The following DCLK1 variants were observed in gnomAD, a reference collection of about 807,000 sequenced individuals.
The protein encoded by DCLK1 is doublecortin like kinase 1.
DCLK1 carries 16 observed loss-of-function variants against 86.2 expected under a neutral mutation model. The ratio of observed to expected loss-of-function variants is 0.19; its 90% confidence interval spans 0.13 to 0.28. DCLK1 has a LOEUF of 0.28. Among genes scored for constraint, DCLK1 ranks in the 10% least tolerant of loss-of-function variants. The pLI, the probability that DCLK1 is intolerant of heterozygous loss-of-function variation, is 1.00. For synonymous variants in DCLK1, 369 were observed against 370.5 expected (o/e 1.00, Z 0.05); for missense variants, 590 against 940.2 (o/e 0.63, Z 4.87).
chr13:36,129,340 T>C lies in DCLK1; in HGVS notation c.-20+1774A>G, dbSNP rs528474829. ...ATTTAAAATAGAAAAAAGGTTTACT[T>C]TGTTTCATTTTATTTGCATATTTCC... On this transcript the variant is annotated intron_variant, in intron 1 of 16. Transcript: ENST00000360631. 2.6e-5 allele frequency among the ~76,000 whole-genome samples: 4 copies of C among 152,394 alleles called. No homozygotes were observed. In the South Asian group the frequency reaches 8.3e-4, roughly 32 times the overall value.
chr13:35,781,007 T>C (rs1353157248), intron 16 of DCLK1, among the ~76,000 whole-genome samples: 1 of 152,258 alleles, frequency 6.6e-6, no homozygotes, highest in African/African-American at 2.4e-5. Context: ...CCTCCACATG[T>C]GCTCAGATAG....
intron 6 of DCLK1, chr13:35,847,015 C>G (rs1441663570): frequency 1.0e-6 from 1 of 985,050 alleles, no homozygotes; most frequent in East Asian, 1.1e-4. Context: ...CAATCTGCAA[C>G]TGTATCAATG....
chr13:36,118,683 G>A (rs1433494266), intron 2 of DCLK1, among the ~76,000 whole-genome samples: 12 of 152,146 alleles, frequency 7.9e-5, no homozygotes. Flanking sequence ...GGATTTGAGA[G>A]ATTAAGAGAG....
intron 3 of DCLK1, among the ~76,000 whole-genome samples, chr13:36,100,221 C>CAT: frequency 7.8e-6 from 1 of 128,850 alleles, no homozygotes; most frequent in Non-Finnish European, 1.6e-5. Flanking sequence ...AAACCACACA[C>CAT]ACACAAAATT....
At chr13:35,877,478 T>TAGGAGACCTTCTGGA (rs1238560337) in intron 4 of DCLK1, among the ~76,000 whole-genome samples, 1 of 152,238 alleles carries the variant, frequency 6.6e-6, no homozygotes, top group Non-Finnish European at 1.5e-5. Context: ...TGGAGAATCT[T>TAGGAGACCTTCTGGA]GAACAAGGCA....
intron 3 of DCLK1, among the ~76,000 whole-genome samples, chr13:36,029,699 G>A (rs1882192042): frequency 6.6e-6 from 1 of 151,976 alleles, no homozygotes; most frequent in Non-Finnish European, 1.5e-5. Flanking sequence ...TTCTATTTGG[G>A]GTATTTTGGT....
chr13:35,972,399 ATG>A (rs1879111942), intron 3 of DCLK1, among the ~76,000 whole-genome samples: 1 of 152,130 alleles, frequency 6.6e-6, no homozygotes, highest in African/African-American at 2.4e-5. Flanking sequence ...TGCTCAGCTC[ATG>A]TGTGTGTAGA....
chr13:35,867,965 G>GAAAGAAAGAAAGAA (rs1380990336), intron 5 of DCLK1, among the ~76,000 whole-genome samples: 11 of 142,916 alleles, frequency 7.7e-5, no homozygotes, highest in African/African-American at 2.9e-4. Flanking sequence ...AAGAAAGAAA[G>GAAAGAAAGAAAGAA]AGAAAAAGAA....
At chr13:36,078,457 G>C (rs1926319) in intron 3 of DCLK1, among the ~76,000 whole-genome samples, 41,163 of 152,094 alleles carry the variant, frequency 0.27, 5,910 homozygotes, top group East Asian at 0.5. Context: ...GTTATCTGTA[G>C]CAGTTGGGTA....
intron 5 of DCLK1, among the ~76,000 whole-genome samples, chr13:35,857,158 T>C (rs912367946): frequency 6.6e-6 from 1 of 152,160 alleles, no homozygotes; most frequent in African/African-American, 2.4e-5. Flanking sequence ...ACAATAAGCC[T>C]TGGCATTCAC....
chr13:35,841,882 G>A (rs976510042), intron 6 of DCLK1, among the ~76,000 whole-genome samples: 2 of 152,048 alleles, frequency 1.3e-5, no homozygotes, highest in East Asian at 3.9e-4. Flanking sequence ...GGGGGACTGG[G>A]ATGGACCTTA....
At chr13:35,861,113 C>T (rs1046720806) in intron 5 of DCLK1, among the ~76,000 whole-genome samples, 1 of 152,078 alleles carries the variant, frequency 6.6e-6, no homozygotes, top group Non-Finnish European at 1.5e-5. Flanking sequence ...GACATTGGTG[C>T]CCAGGGCAGA....
At chr13:36,089,015 TTCTA>T (rs1330507126) in intron 3 of DCLK1, among the ~76,000 whole-genome samples, 4 of 152,340 alleles carry the variant, frequency 2.6e-5, no homozygotes, top group South Asian at 4.1e-4. Flanking sequence ...CAAAATTTTA[TTCTA>T]TCTTTTTTTT....
At chr13:35,776,777 C>T (rs549432185) in intron 16 of DCLK1, among the ~76,000 whole-genome samples, 1 of 152,178 alleles carries the variant, frequency 6.6e-6, no homozygotes, top group African/African-American at 2.4e-5. Flanking sequence ...TAACTCAGTA[C>T]TTTCCCTCTT....
At chr13:35,783,608 G>A (rs370596458) in intron 16 of DCLK1, among the ~76,000 whole-genome samples, 16 of 151,922 alleles carry the variant, frequency 1.1e-4, no homozygotes, top group African/African-American at 3.1e-4. Context: ...TTTTTGAGAC[G>A]GAGATTCGCT....
At chr13:35,930,859 T>G (rs1234461397) in intron 4 of DCLK1, among the ~76,000 whole-genome samples, 1 of 152,206 alleles carries the variant, frequency 6.6e-6, no homozygotes, top group Non-Finnish European at 1.5e-5. Flanking sequence ...GTCAAACATT[T>G]TCTTTGCCTT....
chr13:36,032,900 A>G (rs1282111678), intron 3 of DCLK1, among the ~76,000 whole-genome samples: 1 of 152,236 alleles, frequency 6.6e-6, no homozygotes, highest in Non-Finnish European at 1.5e-5. Flanking sequence ...AACATCGCTA[A>G]GAATAATTCC....
rs1376835970 is a variant in DCLK1 at position 35,864,543 on chromosome 13, C to G, written c.940+6681G>C. 1.8e-4 allele frequency among the ~76,000 whole-genome samples: 10 copies of G among 54,564 alleles called. 1 individual carries two copies. Among genetic ancestry groups the G allele is most frequent in the African/African-American group, 9.3e-4 (9 of 9,644 alleles). The allele number at this position is 54,564 out of a possible 152,430, so 35.8% of individuals were successfully genotyped here. On this transcript the variant is annotated intron_variant, in intron 5 of 16. Transcript: ENST00000360631. ...TCCCGCCACTGCACTCCAGCCTGGG[C>G]GACAGAGCGAGACTCCGTCTCAAAA...
chr13:35,918,890 G>GTTT (rs532112697), intron 4 of DCLK1, among the ~76,000 whole-genome samples: 2 of 14,228 alleles, frequency 1.4e-4, no homozygotes, highest in East Asian at 1.4e-3. Context: ...CCTTCTGAGT[G>GTTT]TGTTTTTTTT....
Sources: gnomAD v4.1 joint callset for allele counts (sites outside exome capture counted in the v4.1 genomes callset) on GRCh38, gnomAD v4.1.1 for gene constraint, MANE v1.5 for transcripts, NCBI Gene and HGNC (gene_info 2026-07-23, HGNC 2026-07-21) for gene names.